Variants in SEMA5B observed in about 807,000 individuals in gnomAD.
SEMA5B encodes semaphorin 5B.
A neutral mutation model predicts 135.0 loss-of-function variants in SEMA5B; 66 were observed. That is an observed-to-expected ratio of 0.49 (90% CI 0.40 to 0.60). The LOEUF (loss-of-function observed/expected upper bound fraction) is 0.60. Ranked by LOEUF, SEMA5B falls within the 20% of genes least tolerant of loss-of-function variation. The pLI is 0.00. For synonymous variants in SEMA5B, 690 were observed against 639.5 expected (o/e 1.08, Z -1.19); for missense variants, 1,501 against 1,566.3 (o/e 0.96, Z 0.70).
chr3:122,947,872 G>C (rs924264453), intron 3 of SEMA5B, among the ~76,000 whole-genome samples: 6 of 152,112 alleles, frequency 3.9e-5, no homozygotes, highest in Admixed American at 3.9e-4. Flanking sequence ...CAGATCGTGA[G>C]AGAATGTCTG....
At chr3:122,973,402 C>A (rs1281012317) in intron 1 of SEMA5B, among the ~76,000 whole-genome samples, 1 of 152,170 alleles carries the variant, frequency 6.6e-6, no homozygotes, top group African/African-American at 2.4e-5. Context: ...CAAACCCCCA[C>A]CCCAAGATGA....
In SEMA5B at chr3:122,943,427, C is replaced by G. The variant is rs1216617087; in HGVS notation, c.428+9G>C. 5 of 1,585,984 alleles carry G rather than the reference C, an allele frequency of 3.2e-6. No individual in the cohort carries two copies. Among genetic ancestry groups the G allele is most frequent in the African/African-American group, 2.7e-5 (2 of 74,646 alleles). ...CACTTCCCACCCCGACCCTTCTGCC[C>G]CTTGTTACCTGGCTCCCACGATGAG... On this transcript the variant is annotated intron_variant, in intron 4 of 22. Coordinates refer to ENST00000357599, the MANE Select transcript of SEMA5B (RefSeq NM_001031702.4).
At chr3:123,026,604 G>C (rs1003762104) in intron 1 of SEMA5B, among the ~76,000 whole-genome samples, 2 of 152,118 alleles carry the variant, frequency 1.3e-5, no homozygotes, top group South Asian at 2.1e-4. Flanking sequence ...CTTCCCTCTT[G>C]GCTCCCGCCC....
At chr3:122,915,706 T>C (rs1938036797) in intron 13 of SEMA5B, 67 bp downstream of exon 13, 1 of 1,603,008 alleles carries the variant, frequency 6.2e-7, no homozygotes, top group South Asian at 1.1e-5. Context: ...TGGGGGAATA[T>C]TGGTGGGGAG....
At chr3:122,978,925 T>C (rs1028917506) in intron 1 of SEMA5B, among the ~76,000 whole-genome samples, 1 of 152,148 alleles carries the variant, frequency 6.6e-6, no homozygotes, top group Non-Finnish European at 1.5e-5. Flanking sequence ...CAACCTCAAA[T>C]GTCACCTGGC....
At chr3:122,937,432 T>C (rs191244541) in intron 5 of SEMA5B, among the ~76,000 whole-genome samples, 1 of 152,184 alleles carries the variant, frequency 6.6e-6, no homozygotes, top group African/African-American at 2.4e-5. Flanking sequence ...CTCTTGCTTG[T>C]TCTCTCCCCT....
intron 12 of SEMA5B, among the ~76,000 whole-genome samples, chr3:122,919,572 A>T (rs748598651): frequency 3.9e-5 from 6 of 152,232 alleles, no homozygotes; most frequent in Admixed American, 6.5e-5. Context: ...GGGAAAAAGC[A>T]TGAAATGCCT....
At chr3:122,939,558 C>T (rs945119834) in intron 4 of SEMA5B, 88 bp from the exon 5 acceptor site, 29 of 984,356 alleles carry the variant, frequency 2.9e-5, no homozygotes, top group East Asian at 2.9e-4. Flanking sequence ...CCTCCTGGGA[C>T]GCCAGGACTG....
chr3:122,952,749 T>C (rs1576361604), intron 2 of SEMA5B, among the ~76,000 whole-genome samples: 2 of 151,836 alleles, frequency 1.3e-5, no homozygotes, highest in South Asian at 4.2e-4. Flanking sequence ...AGCAGGGAGG[T>C]GGATGGATGT....
intron 2 of SEMA5B, among the ~76,000 whole-genome samples, chr3:122,954,969 TG>T (rs1326856238): frequency 8.6e-5 from 12 of 139,768 alleles, no homozygotes; most frequent in South Asian, 5.2e-4. Flanking sequence ...TTTTGTTTTT[TG>T]TTTTTTTTTT....
intron 1 of SEMA5B, among the ~76,000 whole-genome samples, chr3:122,980,653 G>C (rs1941495908): frequency 6.6e-6 from 1 of 152,024 alleles, no homozygotes; most frequent in African/African-American, 2.4e-5. Context: ...TTTTTATTGT[G>C]GTGAAGTATC....
At chr3:122,930,675 A>G (rs9873067) in intron 5 of SEMA5B, among the ~76,000 whole-genome samples, 96,271 of 152,168 alleles carry the variant, frequency 0.63, 31,642 homozygotes, top group Non-Finnish European at 0.74. Context: ...GGGCTGTACC[A>G]TAAGAGGAGT....
At chr3:122,917,895 A>G (rs1015206796) in intron 12 of SEMA5B, among the ~76,000 whole-genome samples, 6 of 149,112 alleles carry the variant, frequency 4.0e-5, no homozygotes, top group African/African-American at 1.6e-4. Flanking sequence ...GTGGGACTAC[A>G]TGCAACACAT....
chr3:122,955,160 C>T (rs1319316412), intron 2 of SEMA5B, among the ~76,000 whole-genome samples: 1 of 151,560 alleles, frequency 6.6e-6, no homozygotes, highest in Non-Finnish European at 1.5e-5. Flanking sequence ...AGGACGTGAC[C>T]TTTAGCCATA....
chr3:122,915,081 G>A (rs76931151), intron 14 of SEMA5B, among the ~76,000 whole-genome samples: 415 of 152,308 alleles, frequency 2.7e-3, no homozygotes, highest in Non-Finnish European at 5.2e-3. Context: ...CCTCCAGACA[G>A]TGGCAATCCG....
intron 3 of SEMA5B, among the ~76,000 whole-genome samples, chr3:122,947,732 C>G (rs1166506671): frequency 6.6e-6 from 1 of 152,142 alleles, no homozygotes; most frequent in East Asian, 1.9e-4. Context: ...GCCAGTGTCC[C>G]TCAAACTTAA....
intron 2 of SEMA5B, among the ~76,000 whole-genome samples, chr3:122,957,623 G>A (rs1216084201): frequency 2.6e-5 from 4 of 152,232 alleles, no homozygotes; most frequent in African/African-American, 4.8e-5. Context: ...CATATTGACA[G>A]CATGCTAGGC....
intron 1 of SEMA5B, among the ~76,000 whole-genome samples, chr3:122,966,428 C>T (rs1354000176): frequency 6.6e-6 from 1 of 152,188 alleles, no homozygotes; most frequent in Non-Finnish European, 1.5e-5. Context: ...TACTATCAGA[C>T]ATGGACTACA....
chr3:122,948,836 A>G (rs1939921914), intron 2 of SEMA5B, 127 bp from the exon 3 acceptor site: 14 of 773,418 alleles, frequency 1.8e-5, no homozygotes, highest in Non-Finnish European at 2.6e-5. Flanking sequence ...TATGTTACTC[A>G]GAGTTTGCTC....
Sources: gnomAD v4.1 joint callset for allele counts (sites outside exome capture counted in the v4.1 genomes callset) on GRCh38, gnomAD v4.1.1 for gene constraint, MANE v1.5 for transcripts, NCBI Gene and HGNC (gene_info 2026-07-23, HGNC 2026-07-21) for gene names.